GFUS: variants seen among roughly 807,000 people sequenced by gnomAD.
The protein encoded by GFUS is GDP-L-fucose synthase.
GFUS carries 42 observed loss-of-function variants against 41.5 expected under a neutral mutation model. The ratio of observed to expected loss-of-function variants is 1.01; its 90% CI spans 0.79 to 1.31. GFUS has a LOEUF of 1.31. Ranked by LOEUF, GFUS falls within the 50% of genes most tolerant of loss-of-function variation. The pLI is 0.00. For synonymous variants in GFUS, 188 were observed against 173.4 expected, an observed-to-expected ratio of 1.08 and a Z score of -0.66; for missense variants, 437 against 428.7, an observed-to-expected ratio of 1.02 and a Z score of -0.17.
At chr8:143,614,743 C>T (rs1829679884) in intron 4 of GFUS, 44 bp downstream of exon 4, 2 of 1,613,212 alleles carry the variant, frequency 1.2e-6, no homozygotes, top group Non-Finnish European at 1.7e-6. Flanking sequence ...TGGCCCTGCC[C>T]ACCGGCTCCC....
At chr8:143,613,381 G>A in intron 9 of GFUS, 86 bp from the exon 10 acceptor site, 1 of 1,505,850 alleles carries the variant, frequency 6.6e-7, no homozygotes, top group Non-Finnish European at 9.2e-7. Flanking sequence ...CATTCCCAGG[G>A]GAGCCACAGC....
chr8:143,616,472 G>T (rs1263276984), intron 2 of GFUS, 95 bp downstream of exon 2: 1 of 1,580,450 alleles, frequency 6.3e-7, no homozygotes, highest in Admixed American at 1.7e-5. Context: ...CACAGCTACT[G>T]TTAGACTCAG....
At position 143,616,367 on chromosome 8, in the gene GFUS, G is replaced by C. The variant is rs778856131; in HGVS notation, c.147-147C>G. The stretch of plus-strand genomic sequence containing the variant: ...GGGCCTGGCTGATATGAGGGTGCAG[G>C]CTTCCAGGAAGAGATGGGAGGGTGT... On this transcript the variant is annotated intron_variant, in intron 2 of 10. Transcript: ENST00000425753. 49 of 1,150,960 alleles carry C rather than the reference G, an allele frequency of 4.3e-5. 1 individual carries two copies. The South Asian group carries it at 5.8e-4, about 14-fold the overall frequency. The allele number at this position is 1,150,960 out of a possible 1,614,324, so 71.3% of individuals were successfully genotyped here.
chr8:143,616,852 C>T (rs1829741033), intron 1 of GFUS, 129 bp from the exon 2 acceptor site: 6 of 1,130,534 alleles, frequency 5.3e-6, no homozygotes, highest in Non-Finnish European at 7.6e-6. Flanking sequence ...CCAGAAAGAC[C>T]CAGCTGGACC....
intron 3 of GFUS, among the ~76,000 whole-genome samples, chr8:143,615,630 C>A (rs932315702): frequency 6.6e-6 from 1 of 152,178 alleles, no homozygotes; most frequent in African/African-American, 2.4e-5. Context: ...CAGCTAGCCA[C>A]GGCAGGGCCC....
At chr8:143,613,138 T>G in intron 10 of GFUS, 58 bp downstream of exon 10, 4 of 1,557,398 alleles carry the variant, frequency 2.6e-6, no homozygotes, top group Non-Finnish European at 3.5e-6. Flanking sequence ...GTAGCGAGCA[T>G]GAGGGAGGGG....
chr8:143,616,766 A>C, intron 1 of GFUS, 43 bp from the exon 2 acceptor site: 25 of 1,609,030 alleles, frequency 1.6e-5, no homozygotes, highest in Middle Eastern at 1.7e-4. Context: ...TCACGCTCTC[A>C]TCCTTTGGAG....
At chr8:143,615,350 G>C (rs1829698321) in intron 3 of GFUS, among the ~76,000 whole-genome samples, 1 of 152,202 alleles carries the variant, frequency 6.6e-6, no homozygotes, top group South Asian at 2.1e-4. Flanking sequence ...GCCTGCGCTT[G>C]CCGGGTCCAC....
Position 143,612,720 on chromosome 8 carries a change from G to A in GFUS, c.*190C>T, listed in dbSNP as rs2978. 1.9e-5 allele frequency: 13 copies of A among 683,804 alleles called. No homozygotes were observed. The highest frequency in any genetic ancestry group is 1.4e-4 in the African/African-American group (8 of 55,622). 42.4% of individuals were successfully genotyped at this position (683,804 alleles called of 1,614,324 possible). A position where few individuals can be genotyped will look rare whatever the true frequency, so the allele number is the denominator to read the frequency against. ...GGGGAGCAAAGCGCCGGGCCTGCCC[G>A]GGACCCTGGTTTCCCTGAGGACCAA... On this transcript the variant is annotated 3_prime_UTR_variant, in exon 11 of 11. Transcript: ENST00000425753.
chr8:143,616,201 C>A lies in GFUS; in HGVS notation c.166G>T (p.Ala56Ser). ...GTGGGTTGGACCTTCTCAAACAGGG[C>A]GCGGGTCTGTGCTGTATCCCTGTAG... ...ADLTDTAQTR[A>S]LFEKVQPTHV... Residue 56 changes from alanine (A) to serine (S), a missense_variant, in exon 3 of 11, where the codon GCC (alanine) becomes TCC (serine). Transcript: ENST00000425753. 1 of 1,613,994 alleles carries A rather than the reference C, an allele frequency of 6.2e-7. No homozygotes were observed. Among genetic ancestry groups the A allele is most frequent in the Non-Finnish European group, 8.5e-7 (1 of 1,179,984 alleles).
rs1056240187 is a variant in GFUS, at chr8:143,614,894, C to T, written c.283G>A (p.Asp95Asn). 1.4e-5 allele frequency: 23 copies of T among 1,610,398 alleles called. No individual in the cohort carries two copies. Among genetic ancestry groups the T allele is most frequent in the Admixed American group, 3.3e-5 (2 of 59,852 alleles). ...DFWRKNVHMN[D>N]NVLHSAFEVG... ...TCAAAGGCCGAGTGCAGGACGTTGT[C>T]GTTCATGTGCACGTTTTTCCTCTGC... is the stretch of plus-strand genomic sequence containing the variant. The change falls in exon 4 of 11, where the codon GAC becomes AAC. Residue 95 changes from aspartate (D) to asparagine (N), a missense_variant. Physicochemically the swap from Asp to Asn is conservative, Grantham distance 23 (BLOSUM62 1). Coordinates refer to ENST00000425753, the MANE Select transcript of GFUS (RefSeq NM_003313.4).
At chr8:143,617,101 G>C (rs1239892922) in intron 1 of GFUS, 3 of 240,872 alleles carry the variant, frequency 1.2e-5, no homozygotes, top group Non-Finnish European at 2.5e-5. Context: ...GCATGCTAGG[G>C]ACAGGCACGA....
At position 143,614,235 on chromosome 8, in the gene GFUS, A is replaced by T. The variant is rs575039555; in HGVS notation, c.599-7T>A. On this transcript the variant is annotated splice_region_variant and splice_polypyrimidine_tract_variant and intron_variant, in intron 6 of 10. Coordinates refer to ENST00000425753, the MANE Select transcript of GFUS (RefSeq NM_003313.4). ...GTCAGGGCCGAGCCGCTGCCTGCAG[A>T]TTTGGGGAAGGAGCAGGTGTCAGAG... 6.2e-7 allele frequency: 1 copy of T among 1,613,704 alleles called. No homozygotes were observed. Among genetic ancestry groups the T allele is most frequent in the Admixed American group, 1.7e-5 (1 of 60,020 alleles).
At position 143,612,848 on chromosome 8, in the gene GFUS, G is replaced by A. The variant is rs1170418031; in HGVS notation, c.*62C>T. 1.9e-6 allele frequency: 3 copies of A among 1,555,070 alleles called. No homozygotes were observed. Among genetic ancestry groups the A allele is most frequent in the Admixed American group, 3.8e-5 (2 of 52,864 alleles). On this transcript the variant is annotated 3_prime_UTR_variant, in exon 11 of 11. Coordinates refer to ENST00000425753, the MANE Select transcript of GFUS (RefSeq NM_003313.4). ...CCCTCAGCTCCTGGCAGGGTTGACG[G>A]GTGGTGGCCGCTGGGCTCTGCCAGC... is the stretch of plus-strand genomic sequence containing the variant.
chr8:143,614,015 A>G, intron 7 of GFUS, 149 bp downstream of exon 7: 1 of 1,212,028 alleles, frequency 8.3e-7, no homozygotes, highest in Non-Finnish European at 1.1e-6. Context: ...CTCCACGAGG[A>G]CCAGAGATGG....
At position 143,616,106 on chromosome 8, in the gene GFUS, C is replaced by T; in HGVS notation, c.261G>A (p.Trp87Ter). The change falls in exon 3 of 11, where the codon TGG (tryptophan) becomes TGA (stop). Residue 87 changes from tryptophan (W) to a stop codon, truncating the protein, a stop_gained and splice_region_variant. Transcript: ENST00000425753. LOFTEE classifies it high-confidence loss of function. Reference sequence around the variant, plus strand: ...GCTTGCTGGGGCCACCCTCACTTACCCAGAAGTCCAAATTGTATTTGATAT... The same window carrying T: ...GCTTGCTGGGGCCACCCTCACTTACTCAGAAGTCCAAATTGTATTTGATAT... ...FRNIKYNLDFWRKNVHMNDNV... is the reference protein window; with the variant it reads ...FRNIKYNLDF 1 of 1,579,406 alleles carries T rather than the reference C, an allele frequency of 6.3e-7. No individual in the cohort carries two copies. The highest frequency in any genetic ancestry group is 1.3e-5 in the African/African-American group (1 of 74,322).
At chr8:143,613,939 T>C (rs1829648704) in intron 7 of GFUS, 122 bp from the exon 8 acceptor site, 21 of 1,222,140 alleles carry the variant, frequency 1.7e-5, no homozygotes, top group Non-Finnish European at 2.4e-5. Context: ...GGAACAGGGG[T>C]CCCTCCTTTC....
Position 143,614,907 on chromosome 8 carries a change from G to C in GFUS, c.270C>G (p.Asn90Lys). 1 of 1,607,378 alleles carries C rather than the reference G, an allele frequency of 6.2e-7. No homozygotes were observed. Among genetic ancestry groups the C allele is most frequent in the Non-Finnish European group, 8.5e-7 (1 of 1,175,624 alleles). Residue 90 changes from asparagine to lysine, a missense_variant, in exon 4 of 11, where the codon AAC becomes AAG. Coordinates refer to ENST00000425753, the MANE Select transcript of GFUS (RefSeq NM_003313.4). The part of the protein sequence containing the change: ...IKYNLDFWRK[N>K]VHMNDNVLHS... Reference sequence around the variant, plus strand: ...GCAGGACGTTGTCGTTCATGTGCACGTTTTTCCTCTGCAGGGGTGAGGCGG... The same window carrying C: ...GCAGGACGTTGTCGTTCATGTGCACCTTTTTCCTCTGCAGGGGTGAGGCGG...
chr8:143,616,651 T>C lies in GFUS; in HGVS notation c.62A>G (p.Lys21Arg), dbSNP rs140495027. The change falls in exon 2 of 11, where the codon AAA (lysine) becomes AGA (arginine). Residue 21 changes from lysine to arginine, a missense_variant. Coordinates refer to ENST00000425753, the MANE Select transcript of GFUS (RefSeq NM_003313.4). ...LVTGGSGLVG[K>R]AIQKVVADGA... ...ATCTGCTACCACCTTCTGGATGGCT[T>C]TGCCTACCAGCCCAGAGCCCCCTGT... The C allele has an allele frequency of 4.2e-5, 67 of 1,613,688 alleles. No homozygotes were observed. The highest frequency in any genetic ancestry group is 1.5e-4 in the Admixed American group (9 of 59,998).
Sources: gnomAD v4.1 joint callset for allele counts (sites outside exome capture counted in the v4.1 genomes callset) on GRCh38, gnomAD v4.1.1 for gene constraint, MANE v1.5 for transcripts, NCBI Gene and HGNC (gene_info 2026-07-23, HGNC 2026-07-21) for gene names.